The following DNM3 variants were observed in gnomAD, a reference collection of about 807,000 sequenced individuals.
DNM3 encodes dynamin 3, also known as dynamin-3.
Under a neutral mutation model 101.6 loss-of-function variants are expected in DNM3, and 47 were observed. That is an observed-to-expected ratio of 0.46 (90% CI 0.37 to 0.59). The LOEUF (loss-of-function observed/expected upper bound fraction) is 0.59. DNM3 is among the 20% of genes least tolerant of loss of function. The probability of loss-of-function intolerance (pLI) is 0.00; values close to 1 mark genes in which losing one functional copy is unlikely to be tolerated. For synonymous variants in DNM3, 385 were observed against 387.9 expected (o/e 0.99, Z 0.09); for missense variants, 849 against 1,085.7 (o/e 0.78, Z 3.06).
chr1:171,970,630 T>G (rs1452929709), intron 2 of DNM3, among the ~76,000 whole-genome samples: 2 of 152,104 alleles, frequency 1.3e-5, no homozygotes, highest in African/African-American at 4.8e-5. Flanking sequence ...TGCAATGCAG[T>G]TCCATCTTAT....
chr1:172,409,663 C>G lies in DNM3; in HGVS notation c.*1822C>G. On this transcript the variant is annotated 3_prime_UTR_variant, in exon 21 of 21. Coordinates refer to ENST00000627582, the MANE Select transcript of DNM3 (RefSeq NM_015569.5). ...ACATACTGCATTTTTAAAATAGTGT[C>G]TCAGCTAAATGGAAAACTGTTAAGC... The G allele has an allele frequency of 4.1e-6, 4 of 985,546 alleles. No homozygotes were observed. The highest frequency in any genetic ancestry group is 4.8e-6 in the Non-Finnish European group (4 of 829,696). 61.1% of individuals were successfully genotyped at this position (985,546 alleles called of 1,614,324 possible).
At chr1:172,280,139 G>A (rs1035387520) in intron 15 of DNM3, among the ~76,000 whole-genome samples, 1 of 151,946 alleles carries the variant, frequency 6.6e-6, no homozygotes, top group Non-Finnish European at 1.5e-5. Context: ...GCATTCACCA[G>A]GAATATTCTT....
chr1:172,131,143 A>G, intron 13 of DNM3, 32 bp from the exon 14 acceptor site: 1 of 1,600,592 alleles, frequency 6.2e-7, no homozygotes, highest in Non-Finnish European at 8.6e-7. Context: ...TTGTTAAACT[A>G]AACACCTCTG....
intron 15 of DNM3, among the ~76,000 whole-genome samples, chr1:172,303,070 TAAC>T (rs1180525643): frequency 6.6e-6 from 1 of 151,890 alleles, no homozygotes; most frequent in African/African-American, 2.4e-5. Context: ...AGGTCAGTAA[TAAC>T]AAACTTCTCC....
chr1:172,388,709 C>T lies in DNM3; in HGVS notation c.2422C>T (p.Arg808Cys), dbSNP rs765190331. Reference sequence around the variant, plus strand: ...CTCTGGGGCTCCTCCAGTCCCATTCCGTCCAGGCCCATTACCTCCTTTCCC... The same window carrying T: ...CTCTGGGGCTCCTCCAGTCCCATTCTGTCCAGGCCCATTACCTCCTTTCCC... ...PHSGAPPVPF[R>C]PGPLPPFPSS... The change falls in exon 20 of 21, where the codon CGT becomes TGT. Residue 808 changes from arginine to cysteine, a missense_variant. Around this residue, in one of 5 missense-constraint regions of DNM3, gnomAD observed 256 missense variants for 311.7 expected, o/e 0.82. Transcript: ENST00000627582. 5 of 1,613,718 alleles carry T rather than the reference C, an allele frequency of 3.1e-6. No homozygotes were observed. The highest frequency in any genetic ancestry group is 1.3e-5 in the African/African-American group (1 of 74,932).
intron 14 of DNM3, among the ~76,000 whole-genome samples, chr1:172,168,370 A>G (rs1471633826): frequency 6.6e-6 from 1 of 151,994 alleles, no homozygotes; most frequent in African/African-American, 2.4e-5. Context: ...AATAAAGGAG[A>G]ATCCTGTATA....
At chr1:172,020,754 G>GT (rs1475819952) in intron 4 of DNM3, among the ~76,000 whole-genome samples, 2 of 142,288 alleles carry the variant, frequency 1.4e-5, no homozygotes, top group African/African-American at 2.7e-5. Context: ...AGAACAGAAT[G>GT]TTGTGGGATA....
intron 10 of DNM3, among the ~76,000 whole-genome samples, chr1:172,067,559 C>G (rs190641816): frequency 3.0e-4 from 45 of 152,104 alleles, no homozygotes; most frequent in Non-Finnish European, 5.1e-4. Context: ...TTCCACCATG[C>G]CTTCACACAT....
intron 15 of DNM3, among the ~76,000 whole-genome samples, chr1:172,287,316 CT>C (rs1300087820): frequency 1.3e-5 from 2 of 152,112 alleles, no homozygotes; most frequent in African/African-American, 4.8e-5. Flanking sequence ...AATCTATTTT[CT>C]TTATGACCTT....
At chr1:171,844,632 T>A (rs2031789364) in intron 1 of DNM3, among the ~76,000 whole-genome samples, 1 of 152,236 alleles carries the variant, frequency 6.6e-6, no homozygotes, top group Non-Finnish European at 1.5e-5. Context: ...ACCACTTGTT[T>A]GTGATTTTCT....
At chr1:171,871,324 G>T (rs752908203) in intron 1 of DNM3, among the ~76,000 whole-genome samples, 2 of 152,116 alleles carry the variant, frequency 1.3e-5, no homozygotes, top group Non-Finnish European at 2.9e-5. Context: ...TCTTTATAAA[G>T]TTCCCAACAA....
intron 14 of DNM3, chr1:172,142,074 G>C (rs1214182103): frequency 6.6e-6 from 1 of 151,932 alleles, no homozygotes; most frequent in Non-Finnish European, 1.5e-5. Flanking sequence ...AGTGTAGTTT[G>C]GACAGACCCT....
At chr1:172,061,545 G>T (rs894035866) in intron 10 of DNM3, among the ~76,000 whole-genome samples, 3 of 151,740 alleles carry the variant, frequency 2.0e-5, no homozygotes, top group Non-Finnish European at 4.4e-5. Context: ...CGTGTCCTTT[G>T]TAGGGACATG....
chr1:171,900,411 G>A (rs1316202167), intron 1 of DNM3, among the ~76,000 whole-genome samples: 1 of 151,896 alleles, frequency 6.6e-6, no homozygotes. Context: ...AAGAAGGAGC[G>A]GACAACCAAA....
At chr1:172,387,947 T>C (rs1277149595) in intron 19 of DNM3, among the ~76,000 whole-genome samples, 1 of 150,050 alleles carries the variant, frequency 6.7e-6, no homozygotes, top group East Asian at 2.0e-4. Flanking sequence ...AAAAGGGAGG[T>C]TGTATGCCAG....
chr1:171,896,930 G>A (rs1187141777), intron 1 of DNM3, among the ~76,000 whole-genome samples: 1 of 152,066 alleles, frequency 6.6e-6, no homozygotes, highest in Non-Finnish European at 1.5e-5. Flanking sequence ...GGAAAAATTT[G>A]CTCCCTTAAT....
intron 2 of DNM3, among the ~76,000 whole-genome samples, chr1:171,925,739 T>C (rs772968371): frequency 2.0e-5 from 3 of 152,264 alleles, no homozygotes; most frequent in Admixed American, 2.0e-4. Context: ...TTTCTGTTTT[T>C]GTTGCATTGC....
At chr1:172,369,936 C>A (rs144967078) in intron 17 of DNM3, among the ~76,000 whole-genome samples, 138 of 151,926 alleles carry the variant, frequency 9.1e-4, no homozygotes, top group Non-Finnish European at 1.6e-3. Flanking sequence ...CATGATCTTC[C>A]CTCTGTGTGT....
At chr1:172,351,019 G>T (rs1230576702) in intron 17 of DNM3, among the ~76,000 whole-genome samples, 1 of 152,116 alleles carries the variant, frequency 6.6e-6, no homozygotes, top group African/African-American at 2.4e-5. Flanking sequence ...TCCTGGGAAA[G>T]TCTGCAACCC....
Sources: allele counts gnomAD v4.1 joint callset (sites outside exome capture counted in the v4.1 genomes callset), GRCh38; gene constraint gnomAD v4.1.1; regional missense constraint gnomAD v4.1.1; transcripts MANE v1.5; gene names NCBI Gene and HGNC (gene_info 2026-07-23, HGNC 2026-07-21).